MYL6: variants seen among roughly 807,000 people sequenced by gnomAD.
MYL6 encodes myosin light chain 6, also known as myosin light polypeptide 6.
Under a neutral mutation model 20.3 loss-of-function variants are expected in MYL6, and 20 were observed. The observed-to-expected ratio is 0.98, with a 90% CI of 0.69 to 1.43. The LOEUF is 1.43. Ranked by LOEUF, MYL6 falls within the 40% of genes most tolerant of loss-of-function variation. The probability of loss-of-function intolerance (pLI) is 0.00; values close to 1 mark genes in which losing one functional copy is unlikely to be tolerated. For synonymous variants in MYL6, 77 were observed against 72.4 expected (o/e 1.06, Z -0.32); for missense variants, 164 against 191.0 (o/e 0.86, Z 0.83).
At chr12:56,161,066 T>A in intron 6 of MYL6, 1 of 571,838 alleles carries the variant, frequency 1.7e-6, no homozygotes, top group Non-Finnish European at 3.2e-6. Context: ...CTGGGCAGCT[T>A]GGAGGTACCC....
intron 6 of MYL6, 195 bp downstream of exon 6, chr12:56,160,865 T>G (rs1420019262): frequency 3.2e-6 from 2 of 628,208 alleles, no homozygotes; most frequent in Admixed American, 5.9e-5. Flanking sequence ...CCTCCTTACC[T>G]CTAGAATGGG....
At chr12:56,159,175 A>C in intron 2 of MYL6, 1 of 291,610 alleles carries the variant, frequency 3.4e-6, no homozygotes, top group Non-Finnish European at 6.4e-6. Context: ...GACTGTAGCT[A>C]TACCCTCTGG....
rs1871836560 is a variant in MYL6, at chr12:56,161,241, G to A, written c.*17-146G>A. 2.2e-5 allele frequency: 19 copies of A among 883,052 alleles called. No homozygotes were observed. In the South Asian group the frequency reaches 2.6e-4, roughly 12 times the overall value. 54.7% of individuals were successfully genotyped at this position (883,052 alleles called of 1,614,324 possible). The stretch of plus-strand genomic sequence containing the variant: ...GCATGGAGAACTGGTCAGACTCAAG[G>A]TGGCTCCTCTGCAAACTGACCCCAG... On this transcript the variant is annotated intron_variant, in intron 6 of 6. Coordinates refer to ENST00000550697, the MANE Select transcript of MYL6 (RefSeq NM_021019.5).
chr12:56,160,344 C>T, intron 5 of MYL6, 24 bp downstream of exon 5: 1 of 1,613,764 alleles, frequency 6.2e-7, no homozygotes, highest in Non-Finnish European at 8.5e-7. Context: ...TGCGCTTTCT[C>T]AGAGAAAGCA....
intron 6 of MYL6, 30 bp downstream of exon 6, chr12:56,160,700 T>G: frequency 1.9e-6 from 3 of 1,611,336 alleles, no homozygotes; most frequent in Non-Finnish European, 2.5e-6. Flanking sequence ...CTCCTCTAGT[T>G]GATCTCCCCA....
Position 56,161,324 on chromosome 12 carries a change from T to C in MYL6, c.*17-63T>C, listed in dbSNP as rs1454757630. ...CTACCTTTGCAGTCTGGTAGTCCCC[T>C]GGCCCTTGGCGTACCCCTCCACAGC... is the stretch of plus-strand genomic sequence containing the variant. On this transcript the variant is annotated intron_variant, in intron 6 of 6. Transcript: ENST00000550697. 6.9e-6 allele frequency: 11 copies of C among 1,597,708 alleles called. No individual in the cohort carries two copies. The Admixed American group carries it at 1.8e-4, about 27-fold the overall frequency.
chr12:56,158,475 G>A (rs78564374), intron 1 of MYL6, 71 bp downstream of exon 1: 43,119 of 1,564,836 alleles, frequency 0.028, 727 homozygotes, highest in Middle Eastern at 0.038. Context: ...GGGGGGCGAG[G>A]AGAAGGCAGG....
At chr12:56,159,002 A>T in intron 2 of MYL6, 1 of 1,252,630 alleles carries the variant, frequency 8.0e-7, no homozygotes, top group South Asian at 1.8e-5. Context: ...AGGGTGTATA[A>T]AGCTGCCTGC....
At position 56,159,725 on chromosome 12, in the gene MYL6, G is replaced by C. The variant is rs748354454; in HGVS notation, c.170G>C (p.Ser57Thr). Residue 57 changes from serine to threonine, a missense_variant, in exon 3 of 7, where the codon AGT becomes ACT. Ser to Thr is a moderately conservative substitution (Grantham distance 58). Transcript: ENST00000550697. ...EVLKVLGNPK[S>T]DEMNVKVLDF... ...CTCAAGGTCCTGGGGAACCCCAAGA[G>C]TGATGGTGAGGGGCCTAAAGAACAA... The C allele has an allele frequency of 3.1e-6, 5 of 1,613,786 alleles. No individual in the cohort carries two copies. In the Admixed American group the frequency reaches 8.3e-5, roughly 27 times the overall value.
At chr12:56,158,890 C>T in intron 2 of MYL6, 179 bp downstream of exon 2, 1 of 1,450,924 alleles carries the variant, frequency 6.9e-7, no homozygotes, top group Non-Finnish European at 9.0e-7. Flanking sequence ...CCTCCCTCCC[C>T]TTCCACTCTA....
intron 2 of MYL6, 134 bp downstream of exon 2, chr12:56,158,845 C>G (rs1871508334): frequency 2.0e-6 from 3 of 1,508,928 alleles, no homozygotes; most frequent in Non-Finnish European, 2.6e-6. Context: ...ATTTTCTCTT[C>G]TTCTGGATCC....
chr12:56,160,054 C>G lies in MYL6; in HGVS notation c.255C>G (p.Thr85=). ...QTVAKNKDQG[T]YEDYVEGLRV... Reference sequence around the variant, plus strand: ...TGGCCAAGAACAAGGACCAGGGCACCTATGAGGATTATGTCGAAGGACTTC... The same window carrying G: ...TGGCCAAGAACAAGGACCAGGGCACGTATGAGGATTATGTCGAAGGACTTC... Residue 85 remains threonine, a synonymous_variant, in exon 4 of 7, where the codon ACC becomes ACG. Transcript: ENST00000550697. The G allele has an allele frequency of 6.2e-7, 1 of 1,614,166 alleles. No homozygotes were observed. Among genetic ancestry groups the G allele is most frequent in the Non-Finnish European group, 8.5e-7 (1 of 1,180,038 alleles).
In MYL6 at chr12:56,158,411, C is replaced by T. The variant is rs1269626199; in HGVS notation, c.3+7C>T. On this transcript the variant is annotated splice_region_variant and intron_variant, in intron 1 of 6. Coordinates refer to ENST00000550697, the MANE Select transcript of MYL6 (RefSeq NM_021019.5). ...GAGCTGAGCAGTCAAGATGGTGGGG[C>T]CCAGGTCTTGGGAGACGGGCAGGAT... 3 of 1,529,618 alleles carry T rather than the reference C, an allele frequency of 2.0e-6. No individual in the cohort carries two copies. The African/African-American group carries it at 4.2e-5, about 21-fold the overall frequency. The allele number at this position is 1,529,618 out of a possible 1,614,324, so 94.8% of individuals were successfully genotyped here. A position where few individuals can be genotyped will look rare whatever the true frequency, so the allele number is the denominator to read the frequency against.
intron 2 of MYL6, 182 bp downstream of exon 2, chr12:56,158,893 C>T (rs2136912561): frequency 6.9e-7 from 1 of 1,449,966 alleles, no homozygotes. Flanking sequence ...CCCTCCCCTT[C>T]CACTCTAGAT....
At chr12:56,158,975 G>T in intron 2 of MYL6, 1 of 1,374,730 alleles carries the variant, frequency 7.3e-7, no homozygotes, top group Non-Finnish European at 9.4e-7. Flanking sequence ...AATGCCTGCT[G>T]TGTGTGGGGT....
In MYL6 at chr12:56,160,090, C is replaced by T; in HGVS notation, c.291C>T (p.Asp97=). ...EDYVEGLRVF[D]KEGNGTVMGA... is the part of the protein sequence containing the mutation. ...ATGTCGAAGGACTTCGGGTGTTTGA[C>T]AAGGAAGGAAATGGCACCGTCATGG... Residue 97 remains aspartate (D), a synonymous_variant, in exon 4 of 7, where the codon GAC becomes GAT. Coordinates refer to ENST00000550697, the MANE Select transcript of MYL6 (RefSeq NM_021019.5). 1.9e-6 allele frequency: 3 copies of T among 1,614,174 alleles called. No individual in the cohort carries two copies. The highest frequency in any genetic ancestry group is 2.5e-6 in the Non-Finnish European group (3 of 1,180,024).
intron 2 of MYL6, chr12:56,158,918 T>G: frequency 7.0e-7 from 1 of 1,428,196 alleles, no homozygotes. Flanking sequence ...TCCCAAGCAC[T>G]GGGTGAGTTT....
rs916232795 is a variant in MYL6 at position 56,159,453 on chromosome 12, G to C, written c.32-134G>C. 2.0e-5 allele frequency: 24 copies of C among 1,212,076 alleles called. No homozygotes were observed. In the African/African-American group the frequency reaches 3.5e-4, roughly 18 times the overall value. The allele number at this position is 1,212,076 out of a possible 1,614,324, so 75.1% of individuals were successfully genotyped here. A position where few individuals can be genotyped will look rare whatever the true frequency, so the allele number is the denominator to read the frequency against. ...AGGAAGAGAAATAGAGCCCTCTTAAGTAGACTTTGGTGTACAGTTTGGTGC... is the reference window on the plus strand; with the variant it reads ...AGGAAGAGAAATAGAGCCCTCTTAACTAGACTTTGGTGTACAGTTTGGTGC... On this transcript the variant is annotated intron_variant, in intron 2 of 6. Coordinates refer to ENST00000550697, the MANE Select transcript of MYL6 (RefSeq NM_021019.5).
chr12:56,159,999 T>C lies in MYL6; in HGVS notation c.200T>C (p.Phe67Ser). Residue 67 changes from phenylalanine to serine, a missense_variant, in exon 4 of 7, where the codon TTT (phenylalanine) becomes TCT (serine). Coordinates refer to ENST00000550697, the MANE Select transcript of MYL6 (RefSeq NM_021019.5). The stretch of plus-strand genomic sequence containing the variant: ...GAGATGAATGTGAAGGTGCTGGACT[T>C]TGAGCACTTTCTGCCCATGCTGCAG... ...SDEMNVKVLD[F>S]EHFLPMLQTV... 6.8e-6 allele frequency: 11 copies of C among 1,613,682 alleles called. No homozygotes were observed. The highest frequency in any genetic ancestry group is 9.3e-6 in the Non-Finnish European group (11 of 1,179,812).
Sources: allele counts gnomAD v4.1 joint callset, GRCh38; gene constraint gnomAD v4.1.1; transcripts MANE v1.5; gene names NCBI Gene and HGNC (gene_info 2026-07-23, HGNC 2026-07-21).